The following FYN variants were observed in gnomAD, a reference collection of about 807,000 sequenced individuals.
FYN encodes tyrosine-protein kinase Fyn.
FYN carries 10 observed loss-of-function variants against 70.2 expected under a neutral mutation model. That is an observed-to-expected ratio of 0.14 (90% CI 0.09 to 0.24). The LOEUF is 0.24. Ranked by LOEUF, FYN falls within the 10% of genes least tolerant of loss-of-function variation. The pLI is 1.00. For synonymous variants in FYN, 236 were observed against 248.6 expected, an observed-to-expected ratio of 0.95 and a Z score of 0.48; for missense variants, 319 against 673.1, an observed-to-expected ratio of 0.47 and a Z score of 5.82.
chr6:111,842,670 T>G (rs1278341493), intron 2 of FYN, among the ~76,000 whole-genome samples: 1 of 152,206 alleles, frequency 6.6e-6, no homozygotes, highest in Non-Finnish European at 1.5e-5. Context: ...GAATTAATTT[T>G]CCCACCTCTT....
intron 2 of FYN, among the ~76,000 whole-genome samples, chr6:111,790,229 G>T (rs1771561358): frequency 7.7e-6 from 1 of 129,464 alleles, no homozygotes. Context: ...CTTGTTATTG[G>T]TAGTTCTGAA....
chr6:111,694,259 GA>G lies in FYN; in HGVS notation c.1273+115del. ...ATCAAGGTGTCCAAACCAAGCTGAA[GA>G]ATGACATTTCAAGTATTTTCTGAAG... On this transcript the variant is annotated intron_variant, in intron 12 of 13. Coordinates refer to ENST00000354650, the MANE Select transcript of FYN (RefSeq NM_002037.5). The surrounding 1 kb of genome is among the most constrained non-coding windows in gnomAD (Gnocchi z 5.0). 2 of 1,360,086 alleles carry G rather than the reference GA, an allele frequency of 1.5e-6. No individual in the cohort carries two copies. The highest frequency in any genetic ancestry group is 2.0e-6 in the Non-Finnish European group (2 of 978,750). 84.3% of individuals were successfully genotyped at this position (1,360,086 alleles called of 1,614,324 possible).
intron 2 of FYN, among the ~76,000 whole-genome samples, chr6:111,828,721 A>C (rs1772916574): frequency 6.6e-6 from 1 of 152,244 alleles, no homozygotes; most frequent in South Asian, 2.1e-4. Flanking sequence ...ACAGACAAAA[A>C]GTAGAACGGT....
At chr6:111,845,409 T>G (rs999848761) in intron 2 of FYN, among the ~76,000 whole-genome samples, 5 of 152,214 alleles carry the variant, frequency 3.3e-5, no homozygotes, top group African/African-American at 1.2e-4. Flanking sequence ...AGCTGTGTTA[T>G]TTCCCCAAGT....
At chr6:111,709,802 G>A (rs1800280502) in intron 5 of FYN, among the ~76,000 whole-genome samples, 1 of 152,138 alleles carries the variant, frequency 6.6e-6, no homozygotes, top group Non-Finnish European at 1.5e-5. Flanking sequence ...CCAACTGGGT[G>A]GGATCTGCAC....
At chr6:111,704,319 T>G (rs965299906) in intron 6 of FYN, among the ~76,000 whole-genome samples, 1 of 152,182 alleles carries the variant, frequency 6.6e-6, no homozygotes, top group Non-Finnish European at 1.5e-5. Context: ...AAAAATCAGA[T>G]TTGAGTTGTG....
At chr6:111,795,854 A>G (rs1771787864) in intron 2 of FYN, among the ~76,000 whole-genome samples, 1 of 152,210 alleles carries the variant, frequency 6.6e-6, no homozygotes, top group Admixed American at 6.5e-5. Flanking sequence ...AAGCTTATGT[A>G]TTATTTCTCA....
intron 3 of FYN, among the ~76,000 whole-genome samples, chr6:111,780,298 G>T (rs769140809): frequency 6.6e-6 from 1 of 151,978 alleles, no homozygotes; most frequent in South Asian, 2.1e-4. Flanking sequence ...AACTGCCAAG[G>T]GTATTCTTTA....
rs1302628005 is a variant in FYN at position 111,662,058 on chromosome 6, G to A, written c.1406-111C>T. 2.8e-5 allele frequency: 23 copies of A among 832,418 alleles called. No homozygotes were observed. The East Asian group carries it at 3.1e-4, about 11-fold the overall frequency. 51.6% of individuals were successfully genotyped at this position (832,418 alleles called of 1,614,324 possible). On this transcript the variant is annotated intron_variant, in intron 13 of 13. Coordinates refer to ENST00000354650, the MANE Select transcript of FYN (RefSeq NM_002037.5). ...GCGTCTGCATGTGGCTAAAACATGC[G>A]GAGTACTCCCATCCCCCCAGGAGTC...
At chr6:111,700,602 T>G (rs1411169591) in intron 8 of FYN, among the ~76,000 whole-genome samples, 2 of 152,318 alleles carry the variant, frequency 1.3e-5, no homozygotes, top group Non-Finnish European at 1.5e-5. Flanking sequence ...GCAGACTGCT[T>G]TGGTTTCTGT....
intron 2 of FYN, among the ~76,000 whole-genome samples, chr6:111,810,834 C>T (rs2114303589): frequency 6.6e-6 from 1 of 152,342 alleles, no homozygotes; most frequent in African/African-American, 2.4e-5. Context: ...TGAACTCTTC[C>T]TTACACTCGC....
At chr6:111,778,002 A>G (rs1771017818) in intron 3 of FYN, among the ~76,000 whole-genome samples, 1 of 152,220 alleles carries the variant, frequency 6.6e-6, no homozygotes, top group South Asian at 2.1e-4. Flanking sequence ...ATCCATGACC[A>G]GACACTTCAT....
chr6:111,857,449 T>C, intron 1 of FYN, among the ~76,000 whole-genome samples: 1 of 152,158 alleles, frequency 6.6e-6, no homozygotes, highest in Non-Finnish European at 1.5e-5. Flanking sequence ...AATCTCACAC[T>C]TCTTGCCCCA....
At chr6:111,692,113 A>AG (rs1767112081) in intron 12 of FYN, among the ~76,000 whole-genome samples, 1 of 105,362 alleles carries the variant, frequency 9.5e-6, no homozygotes, top group Non-Finnish European at 2.0e-5. Context: ...CCCCCCCCCC[A>AG]GTTCAGCTCT....
intron 3 of FYN, among the ~76,000 whole-genome samples, chr6:111,768,162 G>C (rs1803307384): frequency 6.6e-6 from 1 of 152,200 alleles, no homozygotes; most frequent in African/African-American, 2.4e-5. Flanking sequence ...CTCCCTTTTT[G>C]CTCTATAGAT....
chr6:111,835,639 T>C (rs1007624646), intron 2 of FYN, among the ~76,000 whole-genome samples: 1 of 152,274 alleles, frequency 6.6e-6, no homozygotes, highest in South Asian at 2.1e-4. Context: ...GATTTTTTTT[T>C]AGATAAGGTG....
Position 111,780,655 on chromosome 6 carries a change from C to T in FYN, c.-81-20G>A, listed in dbSNP as rs1054875129. On this transcript the variant is annotated intron_variant, in intron 2 of 13. Transcript: ENST00000354650. ...CTGGTCCTGAAAAACAATACCACAA[C>T]AAAAGAAAAACCACATCATTAAACA... The T allele has an allele frequency of 1.3e-5, 2 of 152,502 alleles. No individual in the cohort carries two copies. Among genetic ancestry groups the T allele is most frequent in the African/African-American group, 4.8e-5 (2 of 41,446 alleles). The allele number at this position is 152,502 out of a possible 1,614,324, so 9.4% of individuals were successfully genotyped here. A position where few individuals can be genotyped will look rare whatever the true frequency, so the allele number is the denominator to read the frequency against.
At position 111,660,727 on chromosome 6, in the gene FYN, G is replaced by A. The variant is rs1295196371; in HGVS notation, c.*1012C>T. The A allele has an allele frequency of 6.6e-6, 1 of 152,168 alleles. No individual in the cohort carries two copies. The highest frequency in any genetic ancestry group is 1.9e-4 in the East Asian group (1 of 5,196). 9.4% of individuals were successfully genotyped at this position (152,168 alleles called of 1,614,324 possible). On this transcript the variant is annotated 3_prime_UTR_variant, in exon 14 of 14. Transcript: ENST00000354650. Reference sequence around the variant, plus strand: ...CCAGAAATTTTAGTTGCATGAGAAAGTTTAGCGGGTTGCCATGACTACAAT... The same window carrying A: ...CCAGAAATTTTAGTTGCATGAGAAAATTTAGCGGGTTGCCATGACTACAAT...
chr6:111,787,699 T>C (rs1562521348), intron 2 of FYN, among the ~76,000 whole-genome samples: 1 of 152,178 alleles, frequency 6.6e-6, no homozygotes, highest in Non-Finnish European at 1.5e-5. Flanking sequence ...TTTTAGTTTT[T>C]CTCAAAGTGG....
Sources: gnomAD v4.1 joint callset for allele counts (sites outside exome capture counted in the v4.1 genomes callset) on GRCh38, gnomAD v4.1.1 for gene constraint, Gnocchi (gnomAD v3.1) non-coding constraint, MANE v1.5 for transcripts, NCBI Gene and HGNC (gene_info 2026-07-23, HGNC 2026-07-21) for gene names.